The following RBM20 variants were observed in gnomAD, a reference collection of about 807,000 sequenced individuals.
RBM20 encodes RNA binding motif protein 20.
In RBM20, 51 loss-of-function variants were observed where a neutral mutation model predicts 110.1. The ratio of observed to expected loss-of-function variants is 0.46; its 90% confidence interval spans 0.37 to 0.59. RBM20 has a LOEUF of 0.59. Among genes scored for constraint, RBM20 ranks in the 20% least tolerant of loss-of-function variants. The pLI is 0.00. For missense variants in RBM20, 1,512 were observed against 1,574.9 expected (o/e 0.96, Z 0.68); for synonymous variants, 589 against 618.2 (o/e 0.95, Z 0.70).
In RBM20 at chr10:110,837,045, C is replaced by T. The variant is rs1302899252; in HGVS notation, c.*1067C>T. 3 of 152,224 alleles carry T rather than the reference C, an allele frequency of 2.0e-5. No homozygotes were observed. Among genetic ancestry groups the T allele is most frequent in the Non-Finnish European group, 4.4e-5 (3 of 68,054 alleles). The allele number at this position is 152,224 out of a possible 1,614,324, so 9.4% of individuals were successfully genotyped here. On this transcript the variant is annotated 3_prime_UTR_variant, in exon 14 of 14. Transcript: ENST00000369519. ...TGCCTGCACTCTGGGGTACAACCAC[C>T]TCACAGTAGGATGGTTTTTAAATGG...
intron 1 of RBM20, among the ~76,000 whole-genome samples, chr10:110,656,073 C>T (rs1007626874): frequency 6.6e-6 from 1 of 151,926 alleles, no homozygotes; most frequent in Non-Finnish European, 1.5e-5. Context: ...GGCCGAGGCA[C>T]GTGGATCACC....
Position 110,730,544 on chromosome 10 carries a change from G to A in RBM20, c.192-50257G>A, listed in dbSNP as rs116271812. Among the ~76,000 whole-genome samples the A allele has an allele frequency of 5.4e-3, 819 of 152,344 alleles. 9 individuals carry two copies. The highest frequency in any genetic ancestry group is 0.018 in the African/African-American group (768 of 41,570). ...TGGAGTCAGACAGGGTGGGGTTCTC[G>A]TCCTGGCTGTGCTATTGACATTGTG... is the stretch of plus-strand genomic sequence containing the variant. On this transcript the variant is annotated intron_variant, in intron 1 of 13. Transcript: ENST00000369519.
intron 1 of RBM20, among the ~76,000 whole-genome samples, chr10:110,670,794 C>T (rs893997906): frequency 6.6e-6 from 1 of 152,086 alleles, no homozygotes; most frequent in Non-Finnish European, 1.5e-5. Context: ...ACTGTAACAA[C>T]AAAAAGGGAA....
At chr10:110,717,245 C>T (rs149377560) in intron 1 of RBM20, among the ~76,000 whole-genome samples, 69 of 152,278 alleles carry the variant, frequency 4.5e-4, no homozygotes, top group Admixed American at 1.9e-3. Context: ...TCTGCAGTGA[C>T]AGCCTTCATA....
chr10:110,649,317 C>T (rs1564805505), intron 1 of RBM20, among the ~76,000 whole-genome samples: 1 of 151,988 alleles, frequency 6.6e-6, no homozygotes, highest in Non-Finnish European at 1.5e-5. Context: ...CTTCCCCGCC[C>T]ACAACAGCCG....
intron 1 of RBM20, among the ~76,000 whole-genome samples, chr10:110,694,796 C>T (rs1862637269): frequency 6.6e-6 from 1 of 152,140 alleles, no homozygotes; most frequent in Admixed American, 6.5e-5. Flanking sequence ...TAATCAGACA[C>T]CACAAGGAGC....
chr10:110,697,250 G>A (rs914119085), intron 1 of RBM20, among the ~76,000 whole-genome samples: 26 of 145,244 alleles, frequency 1.8e-4, no homozygotes, highest in African/African-American at 5.2e-4. Context: ...GGTAGGAACC[G>A]TCCCCCTGAA....
At chr10:110,765,856 T>C (rs566208497) in intron 1 of RBM20, among the ~76,000 whole-genome samples, 38 of 152,328 alleles carry the variant, frequency 2.5e-4, no homozygotes, top group African/African-American at 8.9e-4. Flanking sequence ...TTCTTGCAAT[T>C]CTGAGATGTC....
At chr10:110,708,417 A>AT (rs1248195185) in intron 1 of RBM20, among the ~76,000 whole-genome samples, 2 of 152,054 alleles carry the variant, frequency 1.3e-5, no homozygotes, top group Admixed American at 6.6e-5. Context: ...CATGTAGATA[A>AT]TTTTTTTCAA....
chr10:110,741,679 G>T (rs1427638159), intron 1 of RBM20, among the ~76,000 whole-genome samples: 2 of 152,164 alleles, frequency 1.3e-5, no homozygotes, highest in East Asian at 3.8e-4. Flanking sequence ...GCCTGAAATT[G>T]TTTTCAATTC....
intron 1 of RBM20, among the ~76,000 whole-genome samples, chr10:110,731,752 A>G (rs962469521): frequency 2.0e-5 from 3 of 152,118 alleles, no homozygotes; most frequent in African/African-American, 7.2e-5. Context: ...CAAAAGCTGC[A>G]TTTTTTTGTC....
rs1234660630 is a variant in RBM20, at chr10:110,821,402, A to G, written c.2783A>G (p.Glu928Gly). 1 of 1,551,776 alleles carries G rather than the reference A, an allele frequency of 6.4e-7. No homozygotes were observed. Among genetic ancestry groups the G allele is most frequent in the Non-Finnish European group, 8.7e-7 (1 of 1,147,004 alleles). The change falls in exon 11 of 14, where the codon GAG (glutamate) becomes GGG (glycine). Residue 928 changes from glutamate (E) to glycine (G), a missense_variant. Physicochemically the swap from Glu to Gly is moderately conservative, Grantham distance 98. Coordinates refer to ENST00000369519, the MANE Select transcript of RBM20 (RefSeq NM_001134363.3). ...TTTATCGTGGAACCAGACATCCCAG[A>G]GCTGGAAGAAATTGTGCCCATTGAC... ...EDFIVEPDIP[E>G]LEEIVPIDQK... is the part of the protein sequence containing the mutation.
chr10:110,674,678 T>C (rs886948107), intron 1 of RBM20, among the ~76,000 whole-genome samples: 5 of 152,248 alleles, frequency 3.3e-5, no homozygotes, highest in African/African-American at 9.6e-5. Context: ...GGCGTTAAGA[T>C]TGATCACTGC....
In RBM20 at chr10:110,781,604, A is replaced by T. The variant is rs879110456; in HGVS notation, c.995A>T (p.Asp332Val). The T allele has an allele frequency of 7.7e-6, 12 of 1,551,320 alleles. No individual in the cohort carries two copies. In the South Asian group the frequency reaches 1.3e-4, roughly 17 times the overall value. Reference protein sequence around the residue: ...PHGFSGQSKPDLTAGPMWPPP... With the variant: ...PHGFSGQSKPVLTAGPMWPPP... ...GGATTCTCGGGCCAAAGCAAGCCTG[A>T]TCTCACAGCAGGTCCCATGTGGCCT... Residue 332 changes from aspartate (D) to valine (V), a missense_variant, in exon 2 of 14, where the codon GAT becomes GTT. This residue lies in a region of RBM20 where 1,149 missense variants were observed against 1,169.4 expected (regional missense o/e 0.98). Transcript: ENST00000369519.
At chr10:110,797,783 G>A (rs897151241) in intron 6 of RBM20, 135 bp downstream of exon 6, 47 of 919,548 alleles carry the variant, frequency 5.1e-5, no homozygotes, top group African/African-American at 2.7e-4. Context: ...TTGGCATGGC[G>A]TAGGTGTTTT....
intron 10 of RBM20, among the ~76,000 whole-genome samples, chr10:110,820,464 C>T (rs574329267): frequency 4.6e-5 from 7 of 152,232 alleles, no homozygotes; most frequent in South Asian, 2.1e-4. Context: ...ACTCAGGCTT[C>T]AGAGCCAGGC....
rs541692356 is a variant in RBM20 at position 110,803,411 on chromosome 10, T to G, written c.1800+3493T>G. 2.0e-5 allele frequency among the ~76,000 whole-genome samples: 3 copies of G among 152,292 alleles called. No individual in the cohort carries two copies. In the South Asian group the frequency reaches 6.2e-4, roughly 32 times the overall value. On this transcript the variant is annotated intron_variant, in intron 7 of 13. Coordinates refer to ENST00000369519, the MANE Select transcript of RBM20 (RefSeq NM_001134363.3). ...AGCCAAGAAGCCGCAGAGATAGTATTCTAACAGAGCTTCTCAAGCTTCAGT... is the reference window on the plus strand; with the variant it reads ...AGCCAAGAAGCCGCAGAGATAGTATGCTAACAGAGCTTCTCAAGCTTCAGT...
chr10:110,777,253 A>G (rs534443815), intron 1 of RBM20, among the ~76,000 whole-genome samples: 1 of 152,338 alleles, frequency 6.6e-6, no homozygotes, highest in South Asian at 2.1e-4. Context: ...TGAGTGATAT[A>G]AAAGTGACAA....
At chr10:110,829,806 C>T (rs189256913) in intron 12 of RBM20, among the ~76,000 whole-genome samples, 97 of 152,242 alleles carry the variant, frequency 6.4e-4, no homozygotes, top group Admixed American at 3.1e-3. Flanking sequence ...CCCATCCCTG[C>T]AAGAAATTGC....
Sources: allele counts gnomAD v4.1 joint callset (sites outside exome capture counted in the v4.1 genomes callset), GRCh38; gene constraint gnomAD v4.1.1; regional missense constraint gnomAD v4.1.1; transcripts MANE v1.5; gene names NCBI Gene and HGNC (gene_info 2026-07-23, HGNC 2026-07-21).